EBF2: variants seen among roughly 807,000 people sequenced by gnomAD.
EBF2 encodes EBF transcription factor 2, also known as transcription factor COE2.
A neutral mutation model predicts 72.8 loss-of-function variants in EBF2; 21 were observed. The observed-to-expected ratio is 0.29, with a 90% confidence interval of 0.20 to 0.42. The LOEUF (loss-of-function observed/expected upper bound fraction) is 0.42, where lower values mean the gene tolerates loss of function less well. EBF2 is among the 10% of genes least tolerant of loss of function. EBF2 has a pLI of 1.00. For missense variants in EBF2, 637 were observed against 731.2 expected (o/e 0.87, Z 1.49); for synonymous variants, 299 against 274.2 (o/e 1.09, Z -0.89).
At chr8:26,042,317 C>G in intron 1 of EBF2, 66 bp from the exon 2 acceptor site, 5 of 1,542,016 alleles carry the variant, frequency 3.2e-6, no homozygotes, top group Non-Finnish European at 4.4e-6. Flanking sequence ...TGTTACTAAC[C>G]GCCCACAACA....
intron 6 of EBF2, among the ~76,000 whole-genome samples, chr8:26,001,599 G>C (rs1213637598): frequency 6.6e-6 from 1 of 151,922 alleles, no homozygotes; most frequent in Admixed American, 6.6e-5. Context: ...CCCCAGGCTG[G>C]AGTGCAATTG....
chr8:26,006,325 C>T (rs938393454), intron 6 of EBF2, among the ~76,000 whole-genome samples: 10 of 152,178 alleles, frequency 6.6e-5, no homozygotes, highest in African/African-American at 2.4e-4. Flanking sequence ...AACATGTGTT[C>T]TATTTTTTCA....
At chr8:26,041,310 C>A (rs558726588) in intron 2 of EBF2, 1 of 434,750 alleles carries the variant, frequency 2.3e-6, no homozygotes, top group South Asian at 2.6e-5. Flanking sequence ...TAAACAGGCA[C>A]CACCCAACCC....
At chr8:25,952,845 C>A (rs979997922) in intron 6 of EBF2, among the ~76,000 whole-genome samples, 21 of 152,168 alleles carry the variant, frequency 1.4e-4, no homozygotes, top group African/African-American at 5.1e-4. Flanking sequence ...TAGAATGAGG[C>A]TTTGGGGTTT....
intron 6 of EBF2, among the ~76,000 whole-genome samples, chr8:25,970,661 G>A (rs1804176701): frequency 6.6e-6 from 1 of 152,166 alleles, no homozygotes; most frequent in Admixed American, 6.5e-5. Flanking sequence ...GATGCAGCCT[G>A]CAGAAATGAG....
Position 26,040,824 on chromosome 8 carries a change from C to T in EBF2, c.352+115G>A, listed in dbSNP as rs979190469. On this transcript the variant is annotated intron_variant, in intron 3 of 15. Coordinates refer to ENST00000520164, the MANE Select transcript of EBF2 (RefSeq NM_022659.4). ...TCCCAATCCCCTGTCCCAGGCAAGC[C>T]TCCCGCCGCCCTGGGCTCCATGCGA... The T allele has an allele frequency of 3.3e-6, 5 of 1,522,886 alleles. No homozygotes were observed. In the African/African-American group the frequency reaches 5.5e-5, roughly 17 times the overall value. The allele number at this position is 1,522,886 out of a possible 1,614,324, so 94.3% of individuals were successfully genotyped here. A position where few individuals can be genotyped will look rare whatever the true frequency, so the allele number is the denominator to read the frequency against.
At chr8:25,887,777 G>C (rs921775835) in intron 9 of EBF2, 65 bp downstream of exon 9, 1 of 1,453,898 alleles carries the variant, frequency 6.9e-7, no homozygotes. Context: ...GTTTGTGCTA[G>C]TTTCCCAGAT....
At chr8:26,020,360 A>G (rs1271072863) in intron 6 of EBF2, among the ~76,000 whole-genome samples, 2 of 152,216 alleles carry the variant, frequency 1.3e-5, no homozygotes, top group Non-Finnish European at 2.9e-5. Context: ...TTACAAGCTC[A>G]ATGGACGCCA....
intron 6 of EBF2, among the ~76,000 whole-genome samples, chr8:25,960,559 G>A (rs1006225404): frequency 2.6e-5 from 4 of 152,138 alleles, no homozygotes; most frequent in African/African-American, 9.7e-5. Context: ...ATCAATATGG[G>A]CCCCAGTGAA....
At chr8:25,934,612 A>G (rs1803542616) in intron 6 of EBF2, among the ~76,000 whole-genome samples, 1 of 152,150 alleles carries the variant, frequency 6.6e-6, no homozygotes, top group Non-Finnish European at 1.5e-5. Flanking sequence ...GTCCTGCTGC[A>G]TAGGGCCCTA....
chr8:26,013,871 G>A (rs1208925318), intron 6 of EBF2, among the ~76,000 whole-genome samples: 1 of 152,094 alleles, frequency 6.6e-6, no homozygotes, highest in Non-Finnish European at 1.5e-5. Context: ...CTGTATCAGA[G>A]GCAGCATCCG....
At chr8:25,878,454 C>T (rs1315897237) in intron 10 of EBF2, among the ~76,000 whole-genome samples, 1 of 152,196 alleles carries the variant, frequency 6.6e-6, no homozygotes. Flanking sequence ...AACAGCCCAT[C>T]AGCAGGTGCC....
chr8:25,984,300 C>G (rs1415443466), intron 6 of EBF2, among the ~76,000 whole-genome samples: 1 of 152,164 alleles, frequency 6.6e-6, no homozygotes, highest in Non-Finnish European at 1.5e-5. Context: ...GTTGCATCAA[C>G]TATATAATTA....
At chr8:25,953,900 T>C (rs901779598) in intron 6 of EBF2, among the ~76,000 whole-genome samples, 2 of 152,178 alleles carry the variant, frequency 1.3e-5, no homozygotes, top group African/African-American at 4.8e-5. Flanking sequence ...GCTAGGAAAC[T>C]GAGCCTCCCA....
chr8:26,037,436 T>G (rs1049004217), intron 5 of EBF2, among the ~76,000 whole-genome samples: 3 of 152,202 alleles, frequency 2.0e-5, no homozygotes. Flanking sequence ...GCGCACAGCA[T>G]GGTGGCTTTT....
intron 6 of EBF2, among the ~76,000 whole-genome samples, chr8:26,004,223 A>G (rs1804789680): frequency 6.6e-6 from 1 of 152,090 alleles, no homozygotes; most frequent in Non-Finnish European, 1.5e-5. Flanking sequence ...CTTTTCTTGG[A>G]CCATAATTTC....
At position 25,865,641 on chromosome 8, in the gene EBF2, G is replaced by A. The variant is rs1585266116; in HGVS notation, c.1010-2844C>T. ...AGGGTTTCACCCTGTTGCCCAGGCT[G>A]GTCTCAAACTCCTAGGCTCAAGCAA... On this transcript the variant is annotated intron_variant, in intron 10 of 15. Coordinates refer to ENST00000520164, the MANE Select transcript of EBF2 (RefSeq NM_022659.4). Among the ~76,000 whole-genome samples the A allele has an allele frequency of 2.0e-5, 3 of 151,784 alleles. No homozygotes were observed. The South Asian group carries it at 6.2e-4, about 32-fold the overall frequency.
chr8:25,992,365 G>A (rs1478678499), intron 6 of EBF2, among the ~76,000 whole-genome samples: 6 of 144,820 alleles, frequency 4.1e-5, no homozygotes, highest in Non-Finnish European at 6.0e-5. Context: ...AAAGCAAAAG[G>A]CAGTGTATAG....
intron 6 of EBF2, among the ~76,000 whole-genome samples, chr8:25,995,852 A>G (rs941841237): frequency 6.6e-6 from 1 of 151,990 alleles, no homozygotes; most frequent in Admixed American, 6.5e-5. Context: ...TTAATAATAC[A>G]TAGTAATCAT....
Sources: gnomAD v4.1 joint callset for allele counts (sites outside exome capture counted in the v4.1 genomes callset) on GRCh38, gnomAD v4.1.1 for gene constraint, MANE v1.5 for transcripts, NCBI Gene and HGNC (gene_info 2026-07-23, HGNC 2026-07-21) for gene names.